DPYD: variants seen among roughly 807,000 people sequenced by gnomAD.
DPYD encodes dihydropyrimidine dehydrogenase [NADP(+)].
In DPYD, 109 loss-of-function variants were observed where a neutral mutation model predicts 116.2. That is an observed-to-expected ratio of 0.94 (90% CI 0.80 to 1.10). The LOEUF (loss-of-function observed/expected upper bound fraction) is 1.10. DPYD is among the 50% of genes least tolerant of loss of function. The pLI is 0.00. For missense variants in DPYD, 1,302 were observed against 1,254.5 expected (o/e 1.04, Z -0.57); for synonymous variants, 440 against 432.0 (o/e 1.02, Z -0.23).
chr1:97,199,713 C>G (rs1329287480), intron 19 of DPYD, among the ~76,000 whole-genome samples: 2 of 151,910 alleles, frequency 1.3e-5, no homozygotes, highest in Non-Finnish European at 2.9e-5. Context: ...AGCTGTGTAA[C>G]TAGGGCTAGT....
intron 14 of DPYD, among the ~76,000 whole-genome samples, chr1:97,410,301 T>A (rs2101664178): frequency 6.6e-6 from 1 of 152,286 alleles, no homozygotes; most frequent in Non-Finnish European, 1.5e-5. Flanking sequence ...GAATGAATAA[T>A]TAGACACTAA....
intron 13 of DPYD, among the ~76,000 whole-genome samples, chr1:97,470,542 G>A (rs1459323853): frequency 6.6e-6 from 1 of 152,138 alleles, no homozygotes; most frequent in Non-Finnish European, 1.5e-5. Flanking sequence ...TTTATCTTTG[G>A]TGAATGGATG....
chr1:97,173,237 C>CATACATGT (rs1431855735), intron 20 of DPYD, among the ~76,000 whole-genome samples: 11 of 109,960 alleles, frequency 1.0e-4, no homozygotes, highest in Admixed American at 2.0e-4. Context: ...TATATGCGCA[C>CATACATGT]ACATATATGT....
intron 20 of DPYD, among the ~76,000 whole-genome samples, chr1:97,138,145 G>C (rs1291621437): frequency 1.3e-5 from 2 of 152,108 alleles, no homozygotes; most frequent in East Asian, 1.9e-4. Flanking sequence ...TATTCAAGCT[G>C]ACCTAATGGT....
intron 3 of DPYD, among the ~76,000 whole-genome samples, chr1:97,817,807 CA>C (rs947930340): frequency 5.3e-5 from 8 of 152,020 alleles, no homozygotes; most frequent in African/African-American, 1.9e-4. Context: ...AGCTTGTTAA[CA>C]AGATTATCAT....
intron 18 of DPYD, among the ~76,000 whole-genome samples, chr1:97,244,728 G>A (rs977433371): frequency 4.6e-5 from 7 of 151,926 alleles, no homozygotes; most frequent in African/African-American, 1.7e-4. Flanking sequence ...CTTGATGCAG[G>A]AACAAGTAGT....
intron 14 of DPYD, among the ~76,000 whole-genome samples, chr1:97,437,468 C>T (rs1387813707): frequency 4.0e-5 from 6 of 151,686 alleles, no homozygotes; most frequent in African/African-American, 1.2e-4. Context: ...ATGAGTTAGT[C>T]CCAGGTTTTT....
In DPYD at chr1:97,716,438, A is replaced by G. The variant is rs138804043; in HGVS notation, c.483+5072T>C. ...GGATGCATAAATAGACCAATGTAAA[A>G]AAAATAGAGCTCCAAACCCTGCCAA... On this transcript the variant is annotated intron_variant, in intron 5 of 22. Transcript: ENST00000370192. Among the ~76,000 whole-genome samples the G allele has an allele frequency of 2.6e-4, 40 of 152,220 alleles. 1 individual carries two copies. The East Asian group carries it at 7.7e-3, about 29-fold the overall frequency.
intron 20 of DPYD, among the ~76,000 whole-genome samples, chr1:97,118,662 A>G (rs903775083): frequency 3.9e-5 from 6 of 152,186 alleles, no homozygotes; most frequent in Non-Finnish European, 8.8e-5. Context: ...GCTTTGTTTT[A>G]AATATTTTTT....
intron 14 of DPYD, among the ~76,000 whole-genome samples, chr1:97,410,853 T>C (rs544512384): frequency 3.3e-5 from 5 of 152,268 alleles, no homozygotes; most frequent in African/African-American, 1.2e-4. Flanking sequence ...TTGAGCAGAA[T>C]TGATATTAAA....
intron 14 of DPYD, among the ~76,000 whole-genome samples, chr1:97,430,978 T>C (rs1001824384): frequency 2.0e-5 from 3 of 152,072 alleles, no homozygotes; most frequent in African/African-American, 7.2e-5. Flanking sequence ...AGCAGTTTTT[T>C]CCAGACAATC....
intron 1 of DPYD, among the ~76,000 whole-genome samples, chr1:97,896,002 C>T (rs555036875): frequency 6.6e-5 from 10 of 151,650 alleles, no homozygotes; most frequent in South Asian, 6.2e-4. Context: ...AAAAATATAA[C>T]ACCCAATCTT....
At chr1:97,271,516 TG>T (rs760264008) in intron 18 of DPYD, among the ~76,000 whole-genome samples, 1 of 152,292 alleles carries the variant, frequency 6.6e-6, no homozygotes, top group Non-Finnish European at 1.5e-5. Context: ...TAATGTGTAC[TG>T]GAGGAAAAAT....
intron 3 of DPYD, among the ~76,000 whole-genome samples, chr1:97,817,147 G>C (rs1182715963): frequency 6.6e-6 from 1 of 152,096 alleles, no homozygotes; most frequent in Non-Finnish European, 1.5e-5. Flanking sequence ...ATGGTCTACA[G>C]ATGCCTTTGT....
At chr1:97,485,372 T>C (rs1178497146) in intron 13 of DPYD, among the ~76,000 whole-genome samples, 2 of 152,098 alleles carry the variant, frequency 1.3e-5, no homozygotes. Flanking sequence ...TGGTTAATTT[T>C]TCTATGTTTA....
chr1:97,641,492 A>G (rs1657901986), intron 8 of DPYD, among the ~76,000 whole-genome samples: 2 of 152,186 alleles, frequency 1.3e-5, no homozygotes, highest in South Asian at 4.1e-4. Context: ...AACCAATGAC[A>G]AAAAGCCACA....
At chr1:97,128,300 C>A (rs1653006762) in intron 20 of DPYD, among the ~76,000 whole-genome samples, 1 of 152,116 alleles carries the variant, frequency 6.6e-6, no homozygotes, top group South Asian at 2.1e-4. Context: ...TGATGCCTGG[C>A]ATATATGCTT....
At chr1:97,435,302 A>AT (rs1675408098) in intron 14 of DPYD, among the ~76,000 whole-genome samples, 1 of 140,654 alleles carries the variant, frequency 7.1e-6, no homozygotes, top group Non-Finnish European at 1.6e-5. Context: ...TACCTGTATT[A>AT]GTATATATTC....
At chr1:97,461,731 C>T (rs1677044357) in intron 13 of DPYD, among the ~76,000 whole-genome samples, 1 of 152,110 alleles carries the variant, frequency 6.6e-6, no homozygotes, top group South Asian at 2.1e-4. Flanking sequence ...ATATATTAGG[C>T]CATAAAGATG....
Sources: allele counts gnomAD v4.1 joint callset (sites outside exome capture counted in the v4.1 genomes callset), GRCh38; gene constraint gnomAD v4.1.1; transcripts MANE v1.5; gene names NCBI Gene and HGNC (gene_info 2026-07-23, HGNC 2026-07-21).